The following DAP variants were observed in gnomAD, a reference collection of about 807,000 sequenced individuals.
DAP encodes the protein death associated protein, also known as death-associated protein 1.
Under a neutral mutation model 13.8 loss-of-function variants are expected in DAP, and 8 were observed. The observed-to-expected ratio is 0.58, with a 90% CI of 0.34 to 1.05. The LOEUF is 1.05. Ranked by LOEUF, DAP falls within the 50% of genes least tolerant of loss-of-function variation. The pLI, the probability that DAP is intolerant of heterozygous loss-of-function variation, is 0.03. For missense variants in DAP, 106 were observed against 133.2 expected, an observed-to-expected ratio of 0.80 and a Z score of 1.01; for synonymous variants, 47 against 47.5, an observed-to-expected ratio of 0.99 and a Z score of 0.04.
chr5:10,760,268 G>A (rs1230858851), intron 1 of DAP, among the ~76,000 whole-genome samples: 1 of 152,146 alleles, frequency 6.6e-6, no homozygotes, highest in East Asian at 1.9e-4. Flanking sequence ...TGGGCCGACT[G>A]CCACTGGAAA....
intron 2 of DAP, among the ~76,000 whole-genome samples, chr5:10,718,057 T>G (rs1439037124): frequency 2.0e-5 from 3 of 152,154 alleles, no homozygotes; most frequent in African/African-American, 4.8e-5. Context: ...TTACCAACAA[T>G]TTATGCAACA....
chr5:10,714,241 C>T (rs1480649187), intron 2 of DAP, among the ~76,000 whole-genome samples: 2 of 152,234 alleles, frequency 1.3e-5, no homozygotes, highest in Admixed American at 6.5e-5. Flanking sequence ...ACATCTTTAT[C>T]TCCACTGACA....
chr5:10,709,862 T>C (rs1435139832), intron 2 of DAP, among the ~76,000 whole-genome samples: 1 of 152,204 alleles, frequency 6.6e-6, no homozygotes, highest in African/African-American at 2.4e-5. Context: ...TCTTGTATTC[T>C]TTAGGGCAAT....
chr5:10,722,565 TATACATAC>T (rs3031113), intron 2 of DAP, among the ~76,000 whole-genome samples: 3 of 146,844 alleles, frequency 2.0e-5, no homozygotes, highest in Non-Finnish European at 3.0e-5. Context: ...CATGCATATA[TATACATAC>T]ATACATATAT....
chr5:10,712,087 G>A (rs7733385), intron 2 of DAP, among the ~76,000 whole-genome samples: 74,127 of 151,944 alleles, frequency 0.49, 20,937 homozygotes, highest in Non-Finnish European at 0.64. Context: ...ACATCATTAG[G>A]GTGGACCCTC....
In DAP at chr5:10,723,665, T is replaced by C. The variant is rs181647603; in HGVS notation, c.152+24510A>G. On this transcript the variant is annotated intron_variant, in intron 2 of 3. Transcript: ENST00000230895. Reference sequence around the variant, plus strand: ...CATGTTACAGTCACTAATTAACACATAGCCCTTTCTGAGGAGAGATTCTAT... The same window carrying C: ...CATGTTACAGTCACTAATTAACACACAGCCCTTTCTGAGGAGAGATTCTAT... 2.0e-5 allele frequency among the ~76,000 whole-genome samples: 3 copies of C among 152,350 alleles called. No homozygotes were observed. The East Asian group carries it at 5.8e-4, about 29-fold the overall frequency.
intron 2 of DAP, among the ~76,000 whole-genome samples, chr5:10,737,685 T>C (rs1739651397): frequency 6.6e-6 from 1 of 152,226 alleles, no homozygotes; most frequent in African/African-American, 2.4e-5. Flanking sequence ...CTATTTATTA[T>C]CTTAACAATG....
At chr5:10,733,544 G>A (rs1402145443) in intron 2 of DAP, among the ~76,000 whole-genome samples, 1 of 152,168 alleles carries the variant, frequency 6.6e-6, no homozygotes, top group Non-Finnish European at 1.5e-5. Flanking sequence ...TAAATCTGCT[G>A]ATTCTATGAG....
intron 2 of DAP, among the ~76,000 whole-genome samples, chr5:10,684,126 T>C (rs1203951788): frequency 2.0e-5 from 3 of 152,228 alleles, no homozygotes; most frequent in Non-Finnish European, 4.4e-5. Context: ...GCCCAGCCTA[T>C]TTTTGTTTTT....
At chr5:10,754,810 TCTCA>T (rs1299217010) in intron 1 of DAP, among the ~76,000 whole-genome samples, 1 of 152,206 alleles carries the variant, frequency 6.6e-6, no homozygotes, top group Non-Finnish European at 1.5e-5. Flanking sequence ...TGTTTGCCAG[TCTCA>T]CTCCCAGCTT....
At chr5:10,728,481 A>T (rs1475672791) in intron 2 of DAP, among the ~76,000 whole-genome samples, 1 of 152,204 alleles carries the variant, frequency 6.6e-6, no homozygotes, top group African/African-American at 2.4e-5. Context: ...CTTTTGCCCT[A>T]TTTTCAGAGC....
intron 2 of DAP, among the ~76,000 whole-genome samples, chr5:10,725,593 T>C (rs1739269525): frequency 6.6e-6 from 1 of 152,230 alleles, no homozygotes; most frequent in African/African-American, 2.4e-5. Context: ...CTGAAACTCC[T>C]CTGTCTTAAA....
At chr5:10,759,768 T>TTTTTTATTC in intron 1 of DAP, among the ~76,000 whole-genome samples, 1 of 120,284 alleles carries the variant, frequency 8.3e-6, no homozygotes, top group Non-Finnish European at 1.7e-5. Context: ...TTTTTTTTTT[T>TTTTTTATTC]GAGATGGAGT....
At chr5:10,748,335 C>G (rs926788717) in intron 1 of DAP, 64 bp from the exon 2 acceptor site, 15 of 1,425,530 alleles carry the variant, frequency 1.1e-5, no homozygotes, top group Admixed American at 3.4e-5. Context: ...ATCAGGGGGA[C>G]CAGCTGGAAA....
At chr5:10,757,311 C>T (rs1740214916) in intron 1 of DAP, among the ~76,000 whole-genome samples, 2 of 151,836 alleles carry the variant, frequency 1.3e-5, no homozygotes, top group Admixed American at 6.6e-5. Context: ...ATTCGCTCTT[C>T]TTGCCCAGGC....
At chr5:10,722,573 CATACATATAT>C (rs1184288344) in intron 2 of DAP, among the ~76,000 whole-genome samples, 1 of 146,056 alleles carries the variant, frequency 6.8e-6, no homozygotes, top group Non-Finnish European at 1.5e-5. Context: ...TATATACATA[CATACATATAT>C]ATACATATAT....
intron 2 of DAP, among the ~76,000 whole-genome samples, chr5:10,729,917 G>A (rs1739391897): frequency 6.6e-6 from 1 of 152,238 alleles, no homozygotes; most frequent in South Asian, 2.1e-4. Flanking sequence ...CTGCACAGCT[G>A]TGTCCTGGGA....
intron 2 of DAP, among the ~76,000 whole-genome samples, chr5:10,745,220 A>G (rs1739870517): frequency 6.6e-6 from 1 of 152,214 alleles, no homozygotes; most frequent in Non-Finnish European, 1.5e-5. Context: ...TGTTAGAAAA[A>G]GCTGTTTTGG....
intron 1 of DAP, among the ~76,000 whole-genome samples, chr5:10,752,511 G>C (rs552499974): frequency 2.4e-4 from 37 of 152,294 alleles, no homozygotes; most frequent in African/African-American, 8.4e-4. Context: ...GATTTTTGTC[G>C]TGGTGGTTGT....
Sources: gnomAD v4.1 joint callset for allele counts (sites outside exome capture counted in the v4.1 genomes callset) on GRCh38, gnomAD v4.1.1 for gene constraint, MANE v1.5 for transcripts, NCBI Gene and HGNC (gene_info 2026-07-23, HGNC 2026-07-21) for gene names.